Variants in COL4A5 observed in about 807,000 individuals in gnomAD.
The protein encoded by COL4A5 is collagen type IV alpha 5 chain.
COL4A5 carries 26 observed loss-of-function variants against 130.2 expected under a neutral mutation model. The ratio of observed to expected loss-of-function variants is 0.20; its 90% CI spans 0.15 to 0.28. COL4A5 has a LOEUF of 0.28. Among genes scored for constraint, COL4A5 ranks in the 10% least tolerant of loss-of-function variants. The pLI is 1.00. For synonymous variants in COL4A5, 496 were observed against 439.6 expected (o/e 1.13, Z -1.60); for missense variants, 1,131 against 1,344.3 (o/e 0.84, Z 2.48).
At chrX:108,489,385 A>C (rs1183798369) in intron 1 of COL4A5, among the ~76,000 whole-genome samples, 1 of 111,539 alleles carries the variant, frequency 9.0e-6, no homozygotes, top group Non-Finnish European at 1.9e-5. Flanking sequence ...TTTTGTCACT[A>C]GATTATGAAC....
intron 19 of COL4A5, among the ~76,000 whole-genome samples, chrX:108,590,330 G>A (rs1415385264): frequency 1.8e-5 from 2 of 111,142 alleles, no homozygotes; most frequent in African/African-American, 3.3e-5. Context: ...AATAGTAATA[G>A]TATTAAAATT....
At chrX:108,450,821 G>T (rs1434490932) in intron 1 of COL4A5, among the ~76,000 whole-genome samples, 1 of 110,360 alleles carries the variant, frequency 9.1e-6, no homozygotes, top group African/African-American at 3.3e-5. Context: ...AATAAAAAAA[G>T]CTAGTTTTTT....
chrX:108,480,560 A>G (rs1250639782), intron 1 of COL4A5, among the ~76,000 whole-genome samples: 2 of 113,153 alleles, frequency 1.8e-5, no homozygotes. Context: ...GTAGGACAGT[A>G]AAGCTATATT....
chrX:108,640,203 A>AC (rs2067434880), intron 36 of COL4A5, among the ~76,000 whole-genome samples: 1 of 112,001 alleles, frequency 8.9e-6, no homozygotes, highest in South Asian at 3.7e-4. Context: ...ATATTTTTTG[A>AC]CCTTAAAATG....
At chrX:108,471,064 G>A (rs2064763966) in intron 1 of COL4A5, among the ~76,000 whole-genome samples, 1 of 111,747 alleles carries the variant, frequency 8.9e-6, no homozygotes, top group African/African-American at 3.3e-5. Flanking sequence ...AGTGTAGTTT[G>A]AAGTCAGGTA....
intron 1 of COL4A5, among the ~76,000 whole-genome samples, chrX:108,520,618 TTGTGCCTCAAA>T (rs2065256063): frequency 8.9e-6 from 1 of 111,922 alleles, no homozygotes; most frequent in Admixed American, 9.5e-5. Flanking sequence ...TTTGCAACAC[TTGTGCCTCAAA>T]ATCTACTTTG....
intron 1 of COL4A5, among the ~76,000 whole-genome samples, chrX:108,536,046 G>T (rs2065452323): frequency 9.0e-6 from 1 of 111,244 alleles, no homozygotes; most frequent in Admixed American, 9.6e-5. Context: ...CTTTACGATG[G>T]GTTGCTGGTA....
intron 36 of COL4A5, chrX:108,626,986 T>C (rs1458407516): frequency 2.7e-6 from 2 of 740,420 alleles, no homozygotes; most frequent in African/African-American, 4.7e-5. Context: ...GGAATTTTGG[T>C]ACTCAGTTTT....
intron 19 of COL4A5, among the ~76,000 whole-genome samples, chrX:108,589,271 T>C (rs978067449): frequency 2.7e-5 from 3 of 111,002 alleles, no homozygotes; most frequent in Non-Finnish European, 5.7e-5. Flanking sequence ...ATGTTAATAG[T>C]AGCCACTAGA....
At chrX:108,440,251 C>T (rs1303751000) in intron 1 of COL4A5, 45 bp downstream of exon 1, 15 of 928,890 alleles carry the variant, frequency 1.6e-5, no homozygotes, top group South Asian at 4.1e-5. Flanking sequence ...CGCTCTTTCA[C>T]GCTGAAATTA....
intron 29 of COL4A5, among the ~76,000 whole-genome samples, chrX:108,614,070 G>T (rs184374540): frequency 2.1e-4 from 23 of 111,818 alleles, no homozygotes; most frequent in African/African-American, 7.4e-4. Flanking sequence ...ATATTCATCT[G>T]ATAGACTAAT....
At chrX:108,634,213 CAAA>C (rs35480457) in intron 36 of COL4A5, among the ~76,000 whole-genome samples, 5 of 66,235 alleles carry the variant, frequency 7.5e-5, no homozygotes, top group Admixed American at 3.1e-4. Flanking sequence ...GAAAGTGCAA[CAAA>C]AAAAAAAAAA....
intron 1 of COL4A5, among the ~76,000 whole-genome samples, chrX:108,533,350 C>T (rs938170700): frequency 9.0e-6 from 1 of 111,081 alleles, no homozygotes; most frequent in African/African-American, 3.3e-5. Flanking sequence ...AAACTGGACC[C>T]GTATTTCTCA....
chrX:108,627,339 G>A (rs1307082237), intron 36 of COL4A5: 1 of 720,761 alleles, frequency 1.4e-6, no homozygotes, highest in Non-Finnish European at 1.6e-6. Flanking sequence ...GAGGCCCACT[G>A]TCAATAGTTG....
At chrX:108,677,789 CTA>C (rs774643491) in intron 44 of COL4A5, among the ~76,000 whole-genome samples, 156 bp downstream of exon 44, 1 of 112,301 alleles carries the variant, frequency 8.9e-6, no homozygotes, top group Non-Finnish European at 1.9e-5. Context: ...GGCAAGTTTC[CTA>C]TAGTCTCCTA....
At chrX:108,663,957 C>T (rs376521557) in intron 37 of COL4A5, among the ~76,000 whole-genome samples, 2 of 111,599 alleles carry the variant, frequency 1.8e-5, no homozygotes, top group African/African-American at 6.5e-5. Context: ...GAGGCTGAGG[C>T]GGGCAGATCA....
rs186464187 is a variant in COL4A5, at chrX:108,678,238, G to T, written c.3942+605G>T. On this transcript the variant is annotated intron_variant, in intron 44 of 52. Transcript: ENST00000328300. ...AAGATGATTGCTGGTGGATTTGGCAGTCAACACAATCTGGACTGTCTTTTA... is the reference window on the plus strand; with the variant it reads ...AAGATGATTGCTGGTGGATTTGGCATTCAACACAATCTGGACTGTCTTTTA... Among the ~76,000 whole-genome samples, 20 of 111,990 alleles carry T rather than the reference G, an allele frequency of 1.8e-4. No individual in the cohort carries two copies. In the East Asian group the frequency reaches 5.6e-3, roughly 32 times the overall value.
At chrX:108,551,957 C>G (rs1441921120) in intron 2 of COL4A5, among the ~76,000 whole-genome samples, 1 of 112,124 alleles carries the variant, frequency 8.9e-6, no homozygotes, top group Non-Finnish European at 1.9e-5. Flanking sequence ...AACACAGGAA[C>G]AGAAAACCAA....
At chrX:108,597,239 C>A (rs1299488400) in intron 23 of COL4A5, 138 bp from the exon 24 acceptor site, 1 of 764,758 alleles carries the variant, frequency 1.3e-6, no homozygotes, top group East Asian at 3.4e-5. Context: ...TTGATTCAGC[C>A]CTTTGTACAT....
Sources: gnomAD v4.1 joint callset for allele counts (sites outside exome capture counted in the v4.1 genomes callset) on GRCh38, gnomAD v4.1.1 for gene constraint, MANE v1.5 for transcripts, NCBI Gene and HGNC (gene_info 2026-07-23, HGNC 2026-07-21) for gene names.